The following VSTM2L variants were observed in gnomAD, a reference collection of about 807,000 sequenced individuals.
The protein encoded by VSTM2L is V-set and transmembrane domain containing 2 like.
Under a neutral mutation model 19.9 loss-of-function variants are expected in VSTM2L, and 9 were observed. That is an observed-to-expected ratio of 0.45 (90% CI 0.27 to 0.79). The LOEUF is 0.79. Among genes scored for constraint, VSTM2L ranks in the 30% least tolerant of loss-of-function variants. VSTM2L has a pLI of 0.15. For missense variants in VSTM2L, 286 were observed against 295.5 expected (o/e 0.97, Z 0.24); for synonymous variants, 127 against 133.8 (o/e 0.95, Z 0.35).
Position 37,903,211 on chromosome 20 carries a change from C to T in VSTM2L, c.-140C>T, listed in dbSNP as rs1600556271. On this transcript the variant is annotated 5_prime_UTR_variant, in exon 1 of 4. Coordinates refer to ENST00000373461, the MANE Select transcript of VSTM2L (RefSeq NM_080607.3). ...GCCGGGCGAGGGCTGGGAGCTGGGC[C>T]GGGTCCGGGGACAGCGGGCGAGGGG... is the stretch of plus-strand genomic sequence containing the variant. The T allele has an allele frequency of 9.0e-7, 1 of 1,111,028 alleles. No homozygotes were observed. The highest frequency in any genetic ancestry group is 1.6e-5 in the African/African-American group (1 of 61,180). The allele number at this position is 1,111,028 out of a possible 1,614,324, so 68.8% of individuals were successfully genotyped here.
At chr20:37,942,476 TCAAA>T (rs879645760) in intron 3 of VSTM2L, among the ~76,000 whole-genome samples, 3 of 152,100 alleles carry the variant, frequency 2.0e-5, no homozygotes, top group Non-Finnish European at 4.4e-5. Context: ...AGACTCTGTC[TCAAA>T]CAAACAAACA....
chr20:37,931,571 T>C, intron 1 of VSTM2L, 64 bp from the exon 2 acceptor site: 1 of 1,309,342 alleles, frequency 7.6e-7, no homozygotes, highest in Non-Finnish European at 1.0e-6. Flanking sequence ...GTTCTCCACC[T>C]CCTTCACCCA....
chr20:37,938,975 GT>G (rs941037135), intron 3 of VSTM2L, among the ~76,000 whole-genome samples: 51 of 152,300 alleles, frequency 3.3e-4, no homozygotes, highest in Admixed American at 3.3e-3. Flanking sequence ...GTAGTTTATT[GT>G]TCAGAAGGCT....
intron 1 of VSTM2L, among the ~76,000 whole-genome samples, chr20:37,927,174 A>G (rs755520819): frequency 1.3e-5 from 2 of 152,076 alleles, no homozygotes; most frequent in Non-Finnish European, 2.9e-5. Context: ...CATGTTGGCC[A>G]GGCTGGTCTT....
intron 1 of VSTM2L, among the ~76,000 whole-genome samples, chr20:37,919,470 A>T (rs1183327379): frequency 6.6e-6 from 1 of 152,154 alleles, no homozygotes; most frequent in African/African-American, 2.4e-5. Flanking sequence ...TTCCATCCTG[A>T]TTATCTGGGT....
rs754505123 is a variant in VSTM2L, at chr20:37,931,759, G to A, written c.246G>A (p.Arg82=). ...TGGAGATCCAGTGGTGGTATGTACGGAGCCACCGGGACTGGACCGACAAGC... is the reference window on the plus strand; with the variant it reads ...TGGAGATCCAGTGGTGGTATGTACGAAGCCACCGGGACTGGACCGACAAGC... ...YSLEIQWWYV[R]SHRDWTDKQA... is the part of the protein sequence containing the mutation. Residue 82 remains arginine (R), a synonymous_variant, in exon 2 of 4, where the codon CGG becomes CGA. Transcript: ENST00000373461. The A allele has an allele frequency of 1.5e-5, 25 of 1,613,816 alleles. No individual in the cohort carries two copies. The highest frequency in any genetic ancestry group is 3.3e-5 in the Admixed American group (2 of 60,006).
intron 1 of VSTM2L, among the ~76,000 whole-genome samples, chr20:37,906,107 T>G (rs1444855746): frequency 1.3e-5 from 2 of 151,918 alleles, no homozygotes; most frequent in African/African-American, 4.8e-5. Flanking sequence ...TGACCCCAAG[T>G]GCTTGGTGGC....
At chr20:37,903,557 A>T (rs2072733929) in intron 1 of VSTM2L, 86 bp downstream of exon 1, 3 of 1,319,162 alleles carry the variant, frequency 2.3e-6, no homozygotes, top group Non-Finnish European at 2.9e-6. Context: ...CCGGGGCTCG[A>T]ACCGGCGCCA....
intron 1 of VSTM2L, among the ~76,000 whole-genome samples, chr20:37,924,192 A>G (rs1180781229): frequency 6.6e-6 from 1 of 152,220 alleles, no homozygotes; most frequent in Non-Finnish European, 1.5e-5. Flanking sequence ...AGCTATGTTC[A>G]GCTCACTGCC....
intron 1 of VSTM2L, among the ~76,000 whole-genome samples, chr20:37,927,694 C>A (rs1312019400): frequency 3.3e-5 from 5 of 152,164 alleles, no homozygotes; most frequent in African/African-American, 1.2e-4. Flanking sequence ...GGTTTTCTGT[C>A]GGTTGGCAGG....
intron 1 of VSTM2L, among the ~76,000 whole-genome samples, chr20:37,917,629 G>A (rs2072826903): frequency 6.6e-6 from 1 of 152,266 alleles, no homozygotes; most frequent in Non-Finnish European, 1.5e-5. Context: ...CAGCACGCCA[G>A]GGAGAGCTGT....
intron 1 of VSTM2L, among the ~76,000 whole-genome samples, chr20:37,920,732 G>T (rs1328280424): frequency 6.6e-6 from 1 of 152,188 alleles, no homozygotes; most frequent in Admixed American, 6.5e-5. Context: ...CTGCTCCTGT[G>T]GGCACAGTCC....
intron 3 of VSTM2L, among the ~76,000 whole-genome samples, chr20:37,935,542 C>T (rs1291589634): frequency 6.6e-6 from 1 of 152,174 alleles, no homozygotes; most frequent in Non-Finnish European, 1.5e-5. Flanking sequence ...GGCCTTTGCA[C>T]AGGCTGGTCC....
Position 37,920,114 on chromosome 20 carries a change from T to A in VSTM2L, c.122-11521T>A, listed in dbSNP as rs2072842094. 1.3e-5 allele frequency among the ~76,000 whole-genome samples: 2 copies of A among 152,300 alleles called. 1 individual carries two copies. Among genetic ancestry groups the A allele is most frequent in the South Asian group, 4.1e-4 (2 of 4,820 alleles). On this transcript the variant is annotated intron_variant, in intron 1 of 3. Coordinates refer to ENST00000373461, the MANE Select transcript of VSTM2L (RefSeq NM_080607.3). ...GCTGCAGAGGCTGTCGATGCCCCCT[T>A]ACTCTGTCTTCATCACTGCAACAAC...
At chr20:37,924,596 C>T (rs561794443) in intron 1 of VSTM2L, among the ~76,000 whole-genome samples, 18 of 148,372 alleles carry the variant, frequency 1.2e-4, no homozygotes, top group African/African-American at 3.7e-4. Context: ...AATAAATAAA[C>T]AAAACAAAGA....
intron 1 of VSTM2L, among the ~76,000 whole-genome samples, chr20:37,915,174 C>A (rs576941655): frequency 6.6e-6 from 1 of 152,206 alleles, no homozygotes; most frequent in African/African-American, 2.4e-5. Context: ...GAGGGAGGGG[C>A]GGTCGGACAG....
In VSTM2L at chr20:37,944,095, C is replaced by G. The variant is rs1200186878; in HGVS notation, c.457C>G (p.Arg153Gly). ...CATCGACTTCAGCGACGGCAAGGCC[C>G]GGCACCACAAGGTCAAGGCCTACCT... ...RVIDFSDGKA[R>G]HHKVKAYLRV... The change falls in exon 4 of 4, where the codon CGG (arginine) becomes GGG (glycine). Residue 153 changes from arginine to glycine, a missense_variant. Physicochemically the swap from Arg to Gly is moderately radical, Grantham distance 125. Coordinates refer to ENST00000373461, the MANE Select transcript of VSTM2L (RefSeq NM_080607.3). 3.7e-6 allele frequency: 6 copies of G among 1,612,890 alleles called. No individual in the cohort carries two copies. Among genetic ancestry groups the G allele is most frequent in the Non-Finnish European group, 5.1e-6 (6 of 1,179,346 alleles).
Position 37,944,927 on chromosome 20 carries a change from A to G in VSTM2L, c.*674A>G, listed in dbSNP as rs374505306. On this transcript the variant is annotated 3_prime_UTR_variant, in exon 4 of 4. Transcript: ENST00000373461. Reference sequence around the variant, plus strand: ...TCTGCCCTGTCACACGGCGAGTCAGAAGGGAGGGGCCTTTCCCTCGGACCC... The same window carrying G: ...TCTGCCCTGTCACACGGCGAGTCAGGAGGGAGGGGCCTTTCCCTCGGACCC... 86 of 985,858 alleles carry G rather than the reference A, an allele frequency of 8.7e-5. 1 individual carries two copies. In the East Asian group the frequency reaches 7.0e-3, roughly 80 times the overall value. 61.1% of individuals were successfully genotyped at this position (985,858 alleles called of 1,614,324 possible).
In VSTM2L at chr20:37,931,561, G is replaced by C. The variant is rs182886313; in HGVS notation, c.122-74G>C. 22 of 1,400,324 alleles carry C rather than the reference G, an allele frequency of 1.6e-5. No individual in the cohort carries two copies. In the East Asian group the frequency reaches 5.7e-4, roughly 36 times the overall value. The allele number at this position is 1,400,324 out of a possible 1,614,324, so 86.7% of individuals were successfully genotyped here. On this transcript the variant is annotated intron_variant, in intron 1 of 3. Transcript: ENST00000373461. ...GCCGTGCAGGGCCAGCTGTTCCTAC[G>C]TTCTCCACCTCCTTCACCCACTAGC...
Sources: gnomAD v4.1 joint callset for allele counts (sites outside exome capture counted in the v4.1 genomes callset) on GRCh38, gnomAD v4.1.1 for gene constraint, MANE v1.5 for transcripts, NCBI Gene and HGNC (gene_info 2026-07-23, HGNC 2026-07-21) for gene names.